The following ST6GAL2 variants were observed in gnomAD, a reference collection of about 807,000 sequenced individuals.
ST6GAL2 encodes beta-galactoside alpha-2,6-sialyltransferase 2.
A neutral mutation model predicts 37.5 loss-of-function variants in ST6GAL2; 24 were observed. That is an observed-to-expected ratio of 0.64 (90% CI 0.46 to 0.90). The LOEUF (loss-of-function observed/expected upper bound fraction) is 0.90. Ranked by LOEUF, ST6GAL2 falls within the 40% of genes least tolerant of loss-of-function variation. The probability of loss-of-function intolerance (pLI) is 0.00; values close to 1 mark genes in which losing one functional copy is unlikely to be tolerated. For synonymous variants in ST6GAL2, 306 were observed against 295.1 expected, an observed-to-expected ratio of 1.04 and a Z score of -0.38; for missense variants, 715 against 712.7, an observed-to-expected ratio of 1.00 and a Z score of -0.04.
chr2:106,861,755 C>T (rs932768436), intron 1 of ST6GAL2, among the ~76,000 whole-genome samples: 4 of 151,914 alleles, frequency 2.6e-5, no homozygotes, highest in African/African-American at 7.3e-5. Context: ...CTCAGCCTCC[C>T]GAATAGCCGG....
rs751018682 is a variant in ST6GAL2, at chr2:106,806,890, C to T, written c.1378G>A (p.Val460Met). ...EVHVYEYIPS[V>M]RQTELCHYHE... Reference sequence around the variant, plus strand: ...TAGTGGCACAGCTCCGTCTGCCGCACGGATGGGATATATTCATACACGTGC... The same window carrying T: ...TAGTGGCACAGCTCCGTCTGCCGCATGGATGGGATATATTCATACACGTGC... Residue 460 changes from valine to methionine, a missense_variant, in exon 6 of 6, where the codon GTG becomes ATG. Transcript: ENST00000409382. 1.7e-5 allele frequency: 27 copies of T among 1,614,012 alleles called. No individual in the cohort carries two copies. The highest frequency in any genetic ancestry group is 2.2e-5 in the East Asian group (1 of 44,894).
intron 1 of ST6GAL2, among the ~76,000 whole-genome samples, chr2:106,877,699 T>C (rs1408602118): frequency 6.6e-6 from 1 of 152,240 alleles, no homozygotes; most frequent in East Asian, 1.9e-4. Flanking sequence ...CTCAAATACC[T>C]TACTGCATTC....
chr2:106,857,130 T>C (rs952179776), intron 1 of ST6GAL2, among the ~76,000 whole-genome samples: 6 of 152,172 alleles, frequency 3.9e-5, no homozygotes, highest in African/African-American at 1.4e-4. Context: ...TTAAGTTTTA[T>C]TTTTGAGGAT....
Position 106,806,907 on chromosome 2 carries a change from T to G in ST6GAL2, c.1361A>C (p.Tyr454Ser), listed in dbSNP as rs1436218065. Residue 454 changes from tyrosine (Y) to serine (S), a missense_variant, in exon 6 of 6, where the codon TAT (tyrosine) becomes TCT (serine). By Grantham distance (144) the Tyr-to-Ser change is moderately radical. Around this residue, in one of 3 missense-constraint regions of ST6GAL2, gnomAD observed 198 missense variants for 203.6 expected, o/e 0.97. Transcript: ENST00000409382. ...CTGCCGCACGGATGGGATATATTCATACACGTGCACCTCTCTGCACATGGA... is the reference window on the plus strand; with the variant it reads ...CTGCCGCACGGATGGGATATATTCAGACACGTGCACCTCTCTGCACATGGA... The part of the protein sequence containing the change: ...MMSMCREVHV[Y>S]EYIPSVRQTE... The G allele has an allele frequency of 6.2e-7, 1 of 1,614,114 alleles. No individual in the cohort carries two copies. Among genetic ancestry groups the G allele is most frequent in the Non-Finnish European group, 8.5e-7 (1 of 1,180,028 alleles).
intron 1 of ST6GAL2, among the ~76,000 whole-genome samples, chr2:106,879,235 T>C (rs1187030259): frequency 1.3e-5 from 2 of 152,100 alleles, no homozygotes; most frequent in Non-Finnish European, 2.9e-5. Flanking sequence ...ATATATGGGG[T>C]ATTAGTGGGA....
rs1451186807 is a variant in ST6GAL2 at position 106,884,932 on chromosome 2, T to TAC, written c.-58+1160_-58+1161insGT. On this transcript the variant is annotated intron_variant, in intron 1 of 5. Transcript: ENST00000409382. Reference sequence around the variant, plus strand: ...ATATATATATATATATATATATATATATACATACACACACACACATATATA... The same window carrying TAC: ...ATATATATATATATATATATATATATACATACATACACACACACACATATATA... Among the ~76,000 whole-genome samples the TAC allele has an allele frequency of 1.0e-3, 121 of 115,428 alleles. 1 individual carries two copies. Among genetic ancestry groups the TAC allele is most frequent in the African/African-American group, 2.2e-3 (51 of 22,886 alleles). The allele number at this position is 115,428 out of a possible 152,430, so 75.7% of individuals were successfully genotyped here. A position where few individuals can be genotyped will look rare whatever the true frequency, so the allele number is the denominator to read the frequency against.
chr2:106,813,312 G>T, intron 5 of ST6GAL2: 2 of 842,576 alleles, frequency 2.4e-6, no homozygotes, highest in Non-Finnish European at 3.2e-6. Context: ...TGAACTGTAT[G>T]CTTTTAAACA....
intron 1 of ST6GAL2, among the ~76,000 whole-genome samples, chr2:106,852,112 C>A (rs1677389975): frequency 6.6e-6 from 1 of 152,236 alleles, no homozygotes; most frequent in Non-Finnish European, 1.5e-5. Context: ...ACCAAAGAGG[C>A]ACTCCCTTAT....
chr2:106,841,652 C>A (rs1676889309), intron 2 of ST6GAL2, among the ~76,000 whole-genome samples: 1 of 152,118 alleles, frequency 6.6e-6, no homozygotes, highest in Non-Finnish European at 1.5e-5. Context: ...GCTATGGCAA[C>A]ACAAGAGCCT....
rs542054752 is a variant in ST6GAL2, at chr2:106,883,271, C to T, written c.-58+2822G>A. On this transcript the variant is annotated intron_variant, in intron 1 of 5. Coordinates refer to ENST00000409382, the MANE Select transcript of ST6GAL2 (RefSeq NM_001142351.2). ...AATTTTGTAAGGGGCATAATAAATC[C>T]GTGTTTCTCTAACACTGATATCTTC... 1.1e-4 allele frequency among the ~76,000 whole-genome samples: 17 copies of T among 152,232 alleles called. 1 individual carries two copies. Among genetic ancestry groups the T allele is most frequent in the Admixed American group, 1.1e-3 (17 of 15,292 alleles).
intron 5 of ST6GAL2, among the ~76,000 whole-genome samples, chr2:106,807,354 GA>G (rs1675451146): frequency 6.6e-6 from 1 of 151,996 alleles, no homozygotes; most frequent in African/African-American, 2.4e-5. Flanking sequence ...ATGTTCCAAA[GA>G]AACAAATGCC....
chr2:106,822,455 C>T (rs1426620716), intron 5 of ST6GAL2, among the ~76,000 whole-genome samples: 10 of 151,600 alleles, frequency 6.6e-5, no homozygotes, highest in Admixed American at 6.6e-5. Context: ...TGAAAGATCT[C>T]GATAATGAAA....
chr2:106,879,469 C>T (rs571520194), intron 1 of ST6GAL2, among the ~76,000 whole-genome samples: 5 of 152,098 alleles, frequency 3.3e-5, no homozygotes, highest in African/African-American at 7.2e-5. Context: ...GTTATTCTAA[C>T]ATATCAAGTA....
At chr2:106,878,613 A>G (rs550978889) in intron 1 of ST6GAL2, among the ~76,000 whole-genome samples, 33 of 152,338 alleles carry the variant, frequency 2.2e-4, no homozygotes, top group African/African-American at 7.5e-4. Flanking sequence ...AGAAATAAAA[A>G]AACAAAACCA....
chr2:106,837,872 G>GT (rs1219967273), intron 2 of ST6GAL2, among the ~76,000 whole-genome samples: 1 of 152,222 alleles, frequency 6.6e-6, no homozygotes, highest in Non-Finnish European at 1.5e-5. Context: ...ATAACGCAGT[G>GT]TAATTCCTTT....
chr2:106,806,405 G>T lies in ST6GAL2; in HGVS notation c.*273C>A, dbSNP rs1420579877. ...GAATAAGTTGTTAACATTTCTGGAG[G>T]TATCATACCCATGGTCATACATGTG... On this transcript the variant is annotated 3_prime_UTR_variant, in exon 6 of 6. Transcript: ENST00000409382. 1 of 394,744 alleles carries T rather than the reference G, an allele frequency of 2.5e-6. No homozygotes were observed. The highest frequency in any genetic ancestry group is 4.5e-5 in the East Asian group (1 of 21,980). 24.5% of individuals were successfully genotyped at this position (394,744 alleles called of 1,614,324 possible).
intron 1 of ST6GAL2, among the ~76,000 whole-genome samples, chr2:106,848,100 G>A (rs958724651): frequency 1.5e-4 from 22 of 149,430 alleles, no homozygotes; most frequent in African/African-American, 5.2e-4. Context: ...TGCAGTGTGC[G>A]GTGGCACGAT....
intron 1 of ST6GAL2, among the ~76,000 whole-genome samples, chr2:106,845,554 C>G (rs1306353311): frequency 6.6e-6 from 1 of 152,270 alleles, no homozygotes; most frequent in African/African-American, 2.4e-5. Context: ...AACACAAAGG[C>G]ATGTAGGGCA....
At chr2:106,887,243 C>G (rs990573350), upstream of ST6GAL2, 3 of 152,342 alleles carry the variant, frequency 2.0e-5, no homozygotes, top group Non-Finnish European at 4.4e-5. Context: ...CTCGCTAGCT[C>G]CCTTTGTTCA....
Sources: gnomAD v4.1 joint callset for allele counts (sites outside exome capture counted in the v4.1 genomes callset) on GRCh38, gnomAD v4.1.1 for gene constraint, gnomAD v4.1.1 regional missense constraint, MANE v1.5 for transcripts, NCBI Gene and HGNC (gene_info 2026-07-23, HGNC 2026-07-21) for gene names.